The following CACNA2D3 variants were observed in gnomAD, a reference collection of about 807,000 sequenced individuals.
CACNA2D3 encodes the protein voltage-dependent calcium channel subunit alpha-2/delta-3.
In CACNA2D3, 60 loss-of-function variants were observed where a neutral mutation model predicts 160.6. The ratio of observed to expected loss-of-function variants is 0.37; its 90% CI spans 0.30 to 0.46. The LOEUF (loss-of-function observed/expected upper bound fraction) is 0.46. Ranked by LOEUF, CACNA2D3 falls within the 20% of genes least tolerant of loss-of-function variation. CACNA2D3 has a pLI of 1.00. For synonymous variants in CACNA2D3, 558 were observed against 492.9 expected, an observed-to-expected ratio of 1.13 and a Z score of -1.75; for missense variants, 1,205 against 1,365.0, an observed-to-expected ratio of 0.88 and a Z score of 1.85.
At chr3:54,660,742 C>G (rs550177619) in intron 11 of CACNA2D3, among the ~76,000 whole-genome samples, 1 of 152,166 alleles carries the variant, frequency 6.6e-6, no homozygotes, top group Non-Finnish European at 1.5e-5. Flanking sequence ...CAGCCCAGCA[C>G]GCCAGGCCCT....
chr3:54,563,539 C>T (rs888624177), intron 6 of CACNA2D3, among the ~76,000 whole-genome samples: 1 of 152,182 alleles, frequency 6.6e-6, no homozygotes, highest in Non-Finnish European at 1.5e-5. Context: ...GGTGTTCCTT[C>T]TGGAGCCTTC....
chr3:54,191,357 C>A (rs11717730), intron 2 of CACNA2D3, among the ~76,000 whole-genome samples: 23,803 of 151,844 alleles, frequency 0.16, 1,965 homozygotes, highest in Admixed American at 0.19. Context: ...TGCCTTCTGG[C>A]CATATTTAAT....
At chr3:54,765,759 T>C (rs1181503850) in intron 13 of CACNA2D3, among the ~76,000 whole-genome samples, 1 of 152,302 alleles carries the variant, frequency 6.6e-6, no homozygotes, top group African/African-American at 2.4e-5. Context: ...TAAAACATTA[T>C]GGTAGTAGCA....
intron 11 of CACNA2D3, among the ~76,000 whole-genome samples, chr3:54,647,729 A>G (rs1045102795): frequency 3.3e-5 from 5 of 152,250 alleles, no homozygotes; most frequent in African/African-American, 7.2e-5. Flanking sequence ...TTAATAAAGC[A>G]TTTTAGAGTG....
In CACNA2D3 at chr3:54,326,978, G is replaced by A. The variant is rs543317075; in HGVS notation, c.321+6420G>A. Among the ~76,000 whole-genome samples the A allele has an allele frequency of 1.4e-4, 21 of 152,158 alleles. No individual in the cohort carries two copies. The South Asian group carries it at 3.3e-3, about 24-fold the overall frequency. On this transcript the variant is annotated intron_variant, in intron 3 of 37. Coordinates refer to ENST00000474759, the MANE Select transcript of CACNA2D3 (RefSeq NM_018398.3). The stretch of plus-strand genomic sequence containing the variant: ...GGTAAACTGGGTCGCTTGCAAAATC[G>A]TACGTATATATGTAAGGAAATTTAG...
intron 13 of CACNA2D3, among the ~76,000 whole-genome samples, chr3:54,784,478 C>A (rs374202062): frequency 3.9e-5 from 6 of 152,076 alleles, no homozygotes; most frequent in East Asian, 1.9e-4. Context: ...TTTGCTCCCC[C>A]CAAATAGTCA....
At chr3:54,492,301 T>C (rs1403985470) in intron 4 of CACNA2D3, among the ~76,000 whole-genome samples, 1 of 152,194 alleles carries the variant, frequency 6.6e-6, no homozygotes, top group Non-Finnish European at 1.5e-5. Flanking sequence ...CTTGTTCTTT[T>C]CTTCTTATGG....
chr3:54,544,585 T>A (rs528590542), intron 5 of CACNA2D3, among the ~76,000 whole-genome samples: 1 of 152,170 alleles, frequency 6.6e-6, no homozygotes, highest in African/African-American at 2.4e-5. Context: ...TTTGTAGGGA[T>A]GGGGGTCTCA....
At chr3:54,548,447 A>G (rs1702100465) in intron 5 of CACNA2D3, among the ~76,000 whole-genome samples, 1 of 152,190 alleles carries the variant, frequency 6.6e-6, no homozygotes, top group African/African-American at 2.4e-5. Flanking sequence ...CAAGAGATCA[A>G]GATTTCTTTA....
At chr3:54,752,071 C>T (rs891094152) in intron 11 of CACNA2D3, among the ~76,000 whole-genome samples, 2 of 151,966 alleles carry the variant, frequency 1.3e-5, no homozygotes, top group African/African-American at 4.8e-5. Flanking sequence ...CTCCATAGAT[C>T]TCCTGGCCAC....
chr3:55,036,339 C>G (rs1240184912), intron 35 of CACNA2D3, among the ~76,000 whole-genome samples: 1 of 151,992 alleles, frequency 6.6e-6, no homozygotes, highest in Non-Finnish European at 1.5e-5. Flanking sequence ...CCCAGCTACT[C>G]GGGAGGCTGA....
chr3:54,148,089 G>A (rs114356885), intron 2 of CACNA2D3, among the ~76,000 whole-genome samples: 3,159 of 152,356 alleles, frequency 0.021, 49 homozygotes, highest in South Asian at 0.048. Context: ...GAGCCACTGC[G>A]CCCAGCTGAT....
At chr3:55,037,063 G>C (rs371228000) in intron 35 of CACNA2D3, among the ~76,000 whole-genome samples, 1 of 152,030 alleles carries the variant, frequency 6.6e-6, no homozygotes, top group East Asian at 1.9e-4. Flanking sequence ...GGATCTCCTC[G>C]TGTATAACAC....
intron 11 of CACNA2D3, among the ~76,000 whole-genome samples, chr3:54,643,233 C>G (rs1051767967): frequency 2.0e-5 from 3 of 152,206 alleles, no homozygotes; most frequent in Non-Finnish European, 4.4e-5. Flanking sequence ...AAACGGGAGA[C>G]AAATGACAGC....
At position 54,581,893 on chromosome 3, in the gene CACNA2D3, G is replaced by T; in HGVS notation, c.963+16G>T. 2 of 1,610,650 alleles carry T rather than the reference G, an allele frequency of 1.2e-6. No homozygotes were observed. The highest frequency in any genetic ancestry group is 1.1e-5 in the South Asian group (1 of 90,660). Reference sequence around the variant, plus strand: ...AAACAAAGAGGTAGGGGCAGCTCGGGGGAGCATTCCAGTCATGGTACACCC... The same window carrying T: ...AAACAAAGAGGTAGGGGCAGCTCGGTGGAGCATTCCAGTCATGGTACACCC... On this transcript the variant is annotated intron_variant, in intron 9 of 37. Coordinates refer to ENST00000474759, the MANE Select transcript of CACNA2D3 (RefSeq NM_018398.3).
intron 11 of CACNA2D3, among the ~76,000 whole-genome samples, chr3:54,750,483 G>T (rs1559568595): frequency 6.6e-6 from 1 of 152,210 alleles, no homozygotes. Context: ...TTCTGTGGGT[G>T]CTGGCTCTGG....
At chr3:54,263,958 C>G (rs1203014426) in intron 2 of CACNA2D3, among the ~76,000 whole-genome samples, 1 of 152,098 alleles carries the variant, frequency 6.6e-6, no homozygotes, top group Non-Finnish European at 1.5e-5. Flanking sequence ...TAATAGGGAT[C>G]CATTAGCATG....
intron 3 of CACNA2D3, among the ~76,000 whole-genome samples, chr3:54,337,805 A>G (rs915046795): frequency 6.6e-6 from 1 of 152,134 alleles, no homozygotes; most frequent in African/African-American, 2.4e-5. Context: ...TTGGCATTCC[A>G]TGTATATGTC....
In CACNA2D3 at chr3:54,822,792, TTTCTTTCTTTC is replaced by T. The variant is rs1559595636; in HGVS notation, c.1398+5925_1398+5935del. On this transcript the variant is annotated intron_variant, in intron 14 of 37. Transcript: ENST00000474759. ...TTTCTTTCTTTCTTTCTTTCTTTCC[TTTCTTTCTTTC>T]TTTCTTTCTTTCTTTCTTTCTTTCT... 5.9e-4 allele frequency among the ~76,000 whole-genome samples: 35 copies of T among 59,306 alleles called. 1 individual carries two copies. Among genetic ancestry groups the T allele is most frequent in the African/African-American group, 2.2e-3 (33 of 15,138 alleles). 38.9% of individuals were successfully genotyped at this position (59,306 alleles called of 152,430 possible). A position where few individuals can be genotyped will look rare whatever the true frequency, so the allele number is the denominator to read the frequency against.
Sources: allele counts gnomAD v4.1 joint callset (sites outside exome capture counted in the v4.1 genomes callset), GRCh38; gene constraint gnomAD v4.1.1; transcripts MANE v1.5; gene names NCBI Gene and HGNC (gene_info 2026-07-23, HGNC 2026-07-21).